The following CARS1 variants were observed in gnomAD, a reference collection of about 807,000 sequenced individuals.
The protein encoded by CARS1 is cysteinyl-tRNA synthetase 1, also known as cysteine--tRNA ligase, cytoplasmic.
In CARS1, 48 loss-of-function variants were observed where a neutral mutation model predicts 106.2. That is an observed-to-expected ratio of 0.45 (90% CI 0.36 to 0.57). CARS1 has a LOEUF of 0.57. Ranked by LOEUF, CARS1 falls within the 20% of genes least tolerant of loss-of-function variation. CARS1 has a pLI of 0.00. For missense variants in CARS1, 968 were observed against 1,057.2 expected (o/e 0.92, Z 1.17); for synonymous variants, 409 against 403.4 (o/e 1.01, Z -0.17).
At chr11:3,051,018 C>T (rs904260059) in intron 1 of CARS1, among the ~76,000 whole-genome samples, 1 of 152,260 alleles carries the variant, frequency 6.6e-6, no homozygotes, top group African/African-American at 2.4e-5. Flanking sequence ...GATGAGTGGA[C>T]AGCAGAATGG....
chr11:3,007,014 A>C (rs2134092486), intron 18 of CARS1, 55 bp from the exon 19 acceptor site: 11 of 1,369,622 alleles, frequency 8.0e-6, no homozygotes, highest in South Asian at 3.5e-5. Flanking sequence ...GGCCCACACA[A>C]CCAGTGCCTC....
At chr11:3,049,825 A>G (rs1370824561) in intron 1 of CARS1, among the ~76,000 whole-genome samples, 4 of 152,236 alleles carry the variant, frequency 2.6e-5, no homozygotes, top group Non-Finnish European at 5.9e-5. Context: ...ACAGAGCCAG[A>G]GTCACCCCAA....
rs974834888 is a variant in CARS1 at position 3,040,511 on chromosome 11, C to G, written c.455+385G>C. 4.2e-6 allele frequency: 2 copies of G among 479,032 alleles called. No homozygotes were observed. The highest frequency in any genetic ancestry group is 3.9e-5 in the African/African-American group (2 of 51,018). 29.7% of individuals were successfully genotyped at this position (479,032 alleles called of 1,614,324 possible). ...CCATCCAGTGGTCGGGGGGCGGTCA[C>G]AGCCAACCCAGCGTCAGGCCTGTCA... On this transcript the variant is annotated intron_variant, in intron 4 of 22. Transcript: ENST00000380525. The surrounding 1 kb of genome is among the most constrained non-coding windows in gnomAD (Gnocchi z 5.8).
chr11:3,031,744 T>C (rs1301023798), intron 7 of CARS1, among the ~76,000 whole-genome samples: 1 of 151,962 alleles, frequency 6.6e-6, no homozygotes, highest in Non-Finnish European at 1.5e-5. Flanking sequence ...TGGGAACCAG[T>C]GTTGGGGGAG....
chr11:3,006,668 C>T lies in CARS1; in HGVS notation c.2149+211G>A, dbSNP rs546323697. The stretch of plus-strand genomic sequence containing the variant: ...GCGCAGGGGAGGTGACACCACCACA[C>T]GCAGCAGTGGGAAGGAGCTACGGGG... On this transcript the variant is annotated intron_variant, in intron 19 of 22. Coordinates refer to ENST00000380525, the MANE Select transcript of CARS1 (RefSeq NM_001014437.3). Among the ~76,000 whole-genome samples, 158 of 152,316 alleles carry T rather than the reference C, an allele frequency of 1.0e-3. 1 individual carries two copies. The highest frequency in any genetic ancestry group is 3.5e-3 in the African/African-American group (145 of 41,584).
In CARS1 at chr11:3,050,588, C is replaced by T. The variant is rs527850248; in HGVS notation, c.26-2587G>A. 1.4e-4 allele frequency among the ~76,000 whole-genome samples: 21 copies of T among 152,326 alleles called. No homozygotes were observed. The highest frequency in any genetic ancestry group is 2.2e-4 in the Non-Finnish European group (15 of 68,020). ...GGCCTCCAGCGGCCCTGCTGAAAAG[C>T]GCACGTTCACATTACTGCCCCCAAC... On this transcript the variant is annotated intron_variant, in intron 1 of 22. Transcript: ENST00000380525. The surrounding 1 kb of genome is among the most constrained non-coding windows in gnomAD (Gnocchi z 6.3).
At position 3,046,633 on chromosome 11, in the gene CARS1, G is replaced by C. The variant is rs1001587795; in HGVS notation, c.274+1120C>G. Among the ~76,000 whole-genome samples the C allele has an allele frequency of 6.6e-6, 1 of 152,222 alleles. No individual in the cohort carries two copies. Among genetic ancestry groups the C allele is most frequent in the Admixed American group, 6.5e-5 (1 of 15,292 alleles). ...AGAGGCCTGACCCACGGCAGAGGCGGGGGGGCATGTTCCCAATCCCAGGCC... is the reference window on the plus strand; with the variant it reads ...AGAGGCCTGACCCACGGCAGAGGCGCGGGGGCATGTTCCCAATCCCAGGCC... On this transcript the variant is annotated intron_variant, in intron 2 of 22. Coordinates refer to ENST00000380525, the MANE Select transcript of CARS1 (RefSeq NM_001014437.3). This position sits in a 1 kb window ranked among gnomAD's most constrained non-coding sequence, Gnocchi z 5.8.
At chr11:3,018,164 A>G (rs1851228165) in intron 14 of CARS1, 2 of 613,004 alleles carry the variant, frequency 3.3e-6, no homozygotes, top group Non-Finnish European at 5.8e-6. Flanking sequence ...TGGAAAGTAC[A>G]AGTCAGAAGG....
chr11:3,002,146 C>T (rs920262073), intron 21 of CARS1, 93 bp from the exon 22 acceptor site: 1 of 874,184 alleles, frequency 1.1e-6, no homozygotes, highest in Non-Finnish European at 1.9e-6. Context: ...CAGCCCTCAA[C>T]TTGCTTCCAA....
intron 10 of CARS1, among the ~76,000 whole-genome samples, chr11:3,024,811 G>T (rs1003764059): frequency 6.6e-6 from 1 of 152,202 alleles, no homozygotes; most frequent in East Asian, 1.9e-4. Context: ...ACAGAATGAG[G>T]GTTCCTTGAA....
At position 3,020,362 on chromosome 11, in the gene CARS1, C is replaced by T; in HGVS notation, c.1154-30G>A. 3.7e-6 allele frequency: 5 copies of T among 1,358,320 alleles called. No individual in the cohort carries two copies. Among genetic ancestry groups the T allele is most frequent in the Non-Finnish European group, 5.3e-6 (5 of 947,588 alleles). The allele number at this position is 1,358,320 out of a possible 1,614,324, so 84.1% of individuals were successfully genotyped here. A position where few individuals can be genotyped will look rare whatever the true frequency, so the allele number is the denominator to read the frequency against. ...AAACACGAGGGACGCCAGGCAAGGTCACTCAGCAGCACCCACAGACCCACA... is the reference window on the plus strand; with the variant it reads ...AAACACGAGGGACGCCAGGCAAGGTTACTCAGCAGCACCCACAGACCCACA... On this transcript the variant is annotated intron_variant, in intron 10 of 22. Coordinates refer to ENST00000380525, the MANE Select transcript of CARS1 (RefSeq NM_001014437.3). This position sits in a 1 kb window ranked among gnomAD's most constrained non-coding sequence, Gnocchi z 4.6.
In CARS1 at chr11:3,038,300, GC is replaced by G; in HGVS notation, c.652-102del. On this transcript the variant is annotated intron_variant, in intron 6 of 22. Coordinates refer to ENST00000380525, the MANE Select transcript of CARS1 (RefSeq NM_001014437.3). This position sits in a 1 kb window ranked among gnomAD's most constrained non-coding sequence, Gnocchi z 4.0. ...AGAAAACAGAACGGTTTTTCCCATG[GC>G]CCCATAGAGATAGAGAAGTGTGCAA... The G allele has an allele frequency of 9.0e-7, 1 of 1,110,866 alleles. No homozygotes were observed. The highest frequency in any genetic ancestry group is 1.3e-6 in the Non-Finnish European group (1 of 753,428). The allele number at this position is 1,110,866 out of a possible 1,614,324, so 68.8% of individuals were successfully genotyped here. A position where few individuals can be genotyped will look rare whatever the true frequency, so the allele number is the denominator to read the frequency against.
Position 3,026,786 on chromosome 11 carries a change from T to C in CARS1, c.1043A>G (p.Asn348Ser), listed in dbSNP as rs370651501. ...CGCTGTATCAAAGTAGACAGACCCATTGGAGACATAGCTGGAAAACAGAAA... is the reference window on the plus strand; with the variant it reads ...CGCTGTATCAAAGTAGACAGACCCACTGGAGACATAGCTGGAAAACAGAAA... ...IVDNGYGYVS[N>S]GSVYFDTAKF... The change falls in exon 10 of 23, where the codon AAT becomes AGT. Residue 348 changes from asparagine to serine, a missense_variant. Coordinates refer to ENST00000380525, the MANE Select transcript of CARS1 (RefSeq NM_001014437.3). 2.4e-5 allele frequency: 39 copies of C among 1,611,340 alleles called. No individual in the cohort carries two copies. Among genetic ancestry groups the C allele is most frequent in the South Asian group, 6.6e-5 (6 of 90,464 alleles).
chr11:3,012,884 CTTTTTTTTTTTTTT>C (rs768906268), intron 17 of CARS1, among the ~76,000 whole-genome samples: 1 of 116,930 alleles, frequency 8.6e-6, no homozygotes, highest in Non-Finnish European at 1.7e-5. Flanking sequence ...CTATATTTCC[CTTTTTTTTTTTTTT>C]TTTTTTTTTT....
chr11:3,011,742 C>T (rs1850481936), intron 18 of CARS1, among the ~76,000 whole-genome samples: 1 of 152,190 alleles, frequency 6.6e-6, no homozygotes, highest in South Asian at 2.1e-4. Context: ...GAAGCTGCAG[C>T]TCGGCTCCAC....
Position 3,029,491 on chromosome 11 carries a change from T to C in CARS1, c.802-48A>G, listed in dbSNP as rs1337752641. The C allele has an allele frequency of 1.3e-6, 2 of 1,599,810 alleles. No homozygotes were observed. The highest frequency in any genetic ancestry group is 1.7e-5 in the Admixed American group (1 of 59,762). ...CCAGCAGCGGGCCACACACTTCACA[T>C]GAGAACATCTCGTGCAGCTGGTGTG... On this transcript the variant is annotated intron_variant, in intron 7 of 22. Transcript: ENST00000380525. The surrounding 1 kb of genome is among the most constrained non-coding windows in gnomAD (Gnocchi z 5.9).
Position 3,029,242 on chromosome 11 carries a change from G to C in CARS1, c.942+61C>G. 6.3e-7 allele frequency: 1 copy of C among 1,587,316 alleles called. No homozygotes were observed. On this transcript the variant is annotated intron_variant, in intron 8 of 22. Transcript: ENST00000380525. The surrounding 1 kb of genome is among the most constrained non-coding windows in gnomAD (Gnocchi z 5.9). ...AATTGAGCTGGCCTTGCCAAAACAG[G>C]AATTTAGAAATCAGGGCCCTTAGCG...
rs532585516 is a variant in CARS1, at chr11:3,003,754, T to A, written c.2218-1154A>T. ...GAGACACAGTGCTCAGGATTTCTGC[T>A]TTTTCCCTTTAAAAGTTAGTATGTG... On this transcript the variant is annotated intron_variant, in intron 20 of 22. Transcript: ENST00000380525. The surrounding 1 kb of genome is among the most constrained non-coding windows in gnomAD (Gnocchi z 4.8). 1.1e-4 allele frequency among the ~76,000 whole-genome samples: 16 copies of A among 152,268 alleles called. No homozygotes were observed. The East Asian group carries it at 2.7e-3, about 26-fold the overall frequency.
chr11:3,042,278 A>T (rs559826707), intron 2 of CARS1, 22 bp from the exon 3 acceptor site: 2 of 1,598,256 alleles, frequency 1.3e-6, no homozygotes, highest in Admixed American at 1.7e-5. Context: ...AGAGAGCAGG[A>T]TCAGGGTCCA....
Sources: gnomAD v4.1 joint callset for allele counts (sites outside exome capture counted in the v4.1 genomes callset) on GRCh38, gnomAD v4.1.1 for gene constraint, Gnocchi (gnomAD v3.1) non-coding constraint, MANE v1.5 for transcripts, NCBI Gene and HGNC (gene_info 2026-07-23, HGNC 2026-07-21) for gene names.